Variants in EFTUD2 observed in about 807,000 individuals in gnomAD.
EFTUD2 encodes the protein 116 kDa U5 small nuclear ribonucleoprotein component.
EFTUD2 carries 9 observed loss-of-function variants against 114.3 expected under a neutral mutation model. The ratio of observed to expected loss-of-function variants is 0.08; its 90% CI spans 0.05 to 0.14. The LOEUF is 0.14. Among genes scored for constraint, EFTUD2 ranks in the 10% least tolerant of loss-of-function variants. The pLI is 1.00. For missense variants in EFTUD2, 765 were observed against 1,241.2 expected (o/e 0.62, Z 5.76); for synonymous variants, 449 against 462.3 (o/e 0.97, Z 0.37).
chr17:44,868,279 CTACTT>C lies in EFTUD2; in HGVS notation c.1058+3_1058+7del, dbSNP rs536749831. 6.4e-3 allele frequency: 10,351 copies of C among 1,613,102 alleles called. 37 individuals are homozygous for C. The highest frequency in any genetic ancestry group is 7.3e-3 in the Non-Finnish European group (8,560 of 1,179,416). On this transcript the variant is annotated splice_donor_5th_base_variant and intron_variant, in intron 12 of 27. Coordinates refer to ENST00000426333, the MANE Select transcript of EFTUD2 (RefSeq NM_004247.4). ...CCTCTGGAAAGTCACGTCCCATACT[CTACTT>C]ACGTCTTAGGGTTGAAGTAGATGTC...
chr17:44,867,689 C>A, intron 13 of EFTUD2, 118 bp downstream of exon 13: 1 of 804,868 alleles, frequency 1.2e-6, no homozygotes. Flanking sequence ...CCAACAACCA[C>A]CCTTATACTT....
intron 2 of EFTUD2, among the ~76,000 whole-genome samples, chr17:44,891,672 ATTT>A (rs1320032675): frequency 6.6e-6 from 1 of 152,098 alleles, no homozygotes; most frequent in Non-Finnish European, 1.5e-5. Context: ...TATTTTAAAA[ATTT>A]TTTTGTTAAT....
At chr17:44,883,579 T>C (rs2051111752) in intron 5 of EFTUD2, 70 bp downstream of exon 5, 7 of 1,458,374 alleles carry the variant, frequency 4.8e-6, no homozygotes, top group South Asian at 1.1e-5. Context: ...CCGCTGTGAC[T>C]CTAAGGGCTA....
chr17:44,854,688 G>A lies in EFTUD2; in HGVS notation c.2133-6C>T. 1 of 1,612,054 alleles carries A rather than the reference G, an allele frequency of 6.2e-7. No individual in the cohort carries two copies. Among genetic ancestry groups the A allele is most frequent in the Non-Finnish European group, 8.5e-7 (1 of 1,178,694 alleles). ...AGAACTCTCCCAGCTTCTTCCTGGG[G>A]AAGGGAGGAGACAATGGAGCTGTCA... is the stretch of plus-strand genomic sequence containing the variant. On this transcript the variant is annotated splice_region_variant and splice_polypyrimidine_tract_variant and intron_variant, in intron 21 of 27. Coordinates refer to ENST00000426333, the MANE Select transcript of EFTUD2 (RefSeq NM_004247.4). The surrounding 1 kb of genome is among the most constrained non-coding windows in gnomAD (Gnocchi z 4.3).
chr17:44,851,458 C>T (rs2050446420), intron 27 of EFTUD2, 89 bp from the exon 28 acceptor site: 2 of 1,115,636 alleles, frequency 1.8e-6, no homozygotes, highest in African/African-American at 1.5e-5. Flanking sequence ...AGTGGGGAGG[C>T]TAGTGGTGGC....
At chr17:44,864,048 G>C (rs2050702908) in intron 14 of EFTUD2, 1 of 318,272 alleles carries the variant, frequency 3.1e-6, no homozygotes, top group Non-Finnish European at 5.9e-6. Flanking sequence ...AAAGTTTAAA[G>C]TACATCGATC....
chr17:44,859,190 C>A lies in EFTUD2; in HGVS notation c.1861-9G>T. The stretch of plus-strand genomic sequence containing the variant: ...TCGCCAGACTCCTCCACCTGAAACA[C>A]AACAGGCAGTCACAGCCTGGATTCT... On this transcript the variant is annotated splice_polypyrimidine_tract_variant and intron_variant, in intron 18 of 27. Coordinates refer to ENST00000426333, the MANE Select transcript of EFTUD2 (RefSeq NM_004247.4). 6.3e-7 allele frequency: 1 copy of A among 1,599,620 alleles called. No homozygotes were observed. The highest frequency in any genetic ancestry group is 8.6e-7 in the Non-Finnish European group (1 of 1,166,744).
chr17:44,855,238 C>T (rs900557188), intron 20 of EFTUD2, among the ~76,000 whole-genome samples: 7 of 152,110 alleles, frequency 4.6e-5, no homozygotes, highest in African/African-American at 1.7e-4. Flanking sequence ...CACTGCACTC[C>T]AGTCTGGGTG....
At position 44,854,385 on chromosome 17, in the gene EFTUD2, A is replaced by G. The variant is rs753731717; in HGVS notation, c.2260-29T>C. 3 of 1,606,292 alleles carry G rather than the reference A, an allele frequency of 1.9e-6. No homozygotes were observed. The highest frequency in any genetic ancestry group is 2.6e-6 in the Non-Finnish European group (3 of 1,175,510). On this transcript the variant is annotated intron_variant, in intron 22 of 27. Coordinates refer to ENST00000426333, the MANE Select transcript of EFTUD2 (RefSeq NM_004247.4). The surrounding 1 kb of genome is among the most constrained non-coding windows in gnomAD (Gnocchi z 4.3). ...TAGAGAAACATGAGGCCTCCTTAGCAGTCGCCCTGGCAACGGCTGAAGCAT... is the reference window on the plus strand; with the variant it reads ...TAGAGAAACATGAGGCCTCCTTAGCGGTCGCCCTGGCAACGGCTGAAGCAT...
chr17:44,878,841 A>G lies in EFTUD2; in HGVS notation c.702+715T>C, dbSNP rs138929962. Among the ~76,000 whole-genome samples the G allele has an allele frequency of 9.8e-5, 15 of 152,334 alleles. No individual in the cohort carries two copies. The East Asian group carries it at 2.7e-3, about 27-fold the overall frequency. On this transcript the variant is annotated intron_variant, in intron 9 of 27. Coordinates refer to ENST00000426333, the MANE Select transcript of EFTUD2 (RefSeq NM_004247.4). ...CCCTCTGCTGGCTGTCTCACCAATG[A>G]TAACACGAATAAGGTTAGCCAAAGT...
intron 2 of EFTUD2, among the ~76,000 whole-genome samples, chr17:44,893,270 G>A (rs2051315371): frequency 6.6e-6 from 1 of 151,992 alleles, no homozygotes; most frequent in African/African-American, 2.4e-5. Context: ...CTACAGGCAC[G>A]CGCCAACAAG....
Position 44,850,582 on chromosome 17 carries a change from C to T in EFTUD2, c.*692G>A. 2 of 529,640 alleles carry T rather than the reference C, an allele frequency of 3.8e-6. No homozygotes were observed. Among genetic ancestry groups the T allele is most frequent in the East Asian group, 5.9e-5 (2 of 34,090 alleles). The allele number at this position is 529,640 out of a possible 1,614,324, so 32.8% of individuals were successfully genotyped here. ...GAAATCAAAGTGCTCTGGCCCCCTA[C>T]TCCAGGGCAAGGAAGATTCTTAGGG... On this transcript the variant is annotated 3_prime_UTR_variant, in exon 28 of 28. Coordinates refer to ENST00000426333, the MANE Select transcript of EFTUD2 (RefSeq NM_004247.4).
intron 15 of EFTUD2, 44 bp downstream of exon 15, chr17:44,863,611 A>AG: frequency 1.3e-6 from 2 of 1,595,450 alleles, no homozygotes; most frequent in Non-Finnish European, 1.7e-6. Context: ...CCACACAGGA[A>AG]GGGGAAAAAA....
intron 13 of EFTUD2, among the ~76,000 whole-genome samples, chr17:44,865,766 C>T (rs1333422709): frequency 6.6e-6 from 1 of 152,098 alleles, no homozygotes; most frequent in Non-Finnish European, 1.5e-5. Flanking sequence ...AATTTTTACC[C>T]TTTTAGTCCC....
At chr17:44,885,115 G>A in intron 4 of EFTUD2, 141 bp downstream of exon 4, 1 of 674,322 alleles carries the variant, frequency 1.5e-6, no homozygotes, top group Non-Finnish European at 2.6e-6. Flanking sequence ...TATCCCAGCA[G>A]CCACACAAGC....
In EFTUD2 at chr17:44,854,935, G is replaced by T. The variant is rs775415787; in HGVS notation, c.2115C>A (p.Val705=). The change falls in exon 21 of 28, where the codon GTC becomes GTA. Residue 705 remains valine (V), a synonymous_variant. Coordinates refer to ENST00000426333, the MANE Select transcript of EFTUD2 (RefSeq NM_004247.4). The surrounding 1 kb of genome is among the most constrained non-coding windows in gnomAD (Gnocchi z 4.3). ...GTTCTCACCTGTTCCACGTAATCTG[G>T]ACCACCTCATTCTCTATGTCCTCTG... ...GLAEDIENEV[V]QITWNRKKLG... The T allele has an allele frequency of 8.4e-5, 135 of 1,614,034 alleles. No individual in the cohort carries two copies. Among genetic ancestry groups the T allele is most frequent in the Non-Finnish European group, 1.1e-4 (130 of 1,180,018 alleles).
At position 44,860,523 on chromosome 17, in the gene EFTUD2, C is replaced by T. The variant is rs2050636284; in HGVS notation, c.1628G>A (p.Arg543His). Residue 543 changes from arginine to histidine, a missense_variant, in exon 17 of 28, where the codon CGT (arginine) becomes CAT (histidine). Arg to His is a conservative substitution (Grantham distance 29, BLOSUM62 0). Around this residue, in one of 6 missense-constraint regions of EFTUD2, gnomAD observed 149 missense variants for 245.1 expected, o/e 0.61. Coordinates refer to ENST00000426333, the MANE Select transcript of EFTUD2 (RefSeq NM_004247.4). ...CAGAACCCAGTTGCCAGCAGGAACA[C>T]GGTTCACCTCGATGTGGTACCTGAA... Reference protein sequence around the residue: ...SVARYHIEVNRVPAGNWVLIE... With the variant: ...SVARYHIEVNHVPAGNWVLIE... 4.3e-6 allele frequency: 7 copies of T among 1,613,164 alleles called. No individual in the cohort carries two copies. Among genetic ancestry groups the T allele is most frequent in the South Asian group, 2.2e-5 (2 of 91,056 alleles).
chr17:44,879,896 G>C (rs1258496210), intron 8 of EFTUD2, among the ~76,000 whole-genome samples: 2 of 152,004 alleles, frequency 1.3e-5, no homozygotes, highest in Non-Finnish European at 2.9e-5. Flanking sequence ...CACACACACA[G>C]ACCAGCTTAG....
intron 6 of EFTUD2, among the ~76,000 whole-genome samples, chr17:44,882,123 A>G (rs36120415): frequency 0.35 from 53,930 of 151,918 alleles, 9,793 homozygotes; most frequent in Middle Eastern, 0.52. Context: ...CGGTAGACAC[A>G]GGGTTTCATC....
Sources: allele counts gnomAD v4.1 joint callset (sites outside exome capture counted in the v4.1 genomes callset), GRCh38; gene constraint gnomAD v4.1.1; regional missense constraint gnomAD v4.1.1; non-coding constraint Gnocchi (gnomAD v3.1); transcripts MANE v1.5; gene names NCBI Gene and HGNC (gene_info 2026-07-23, HGNC 2026-07-21).